Variants in CNOT4 observed in about 807,000 individuals in gnomAD.
CNOT4 encodes the protein CCR4-NOT transcription complex subunit 4, also known as CCR4-associated factor 4.
CNOT4 carries 8 observed loss-of-function variants against 73.8 expected under a neutral mutation model. That is an observed-to-expected ratio of 0.11 (90% confidence interval 0.06 to 0.20). The LOEUF is 0.20. Ranked by LOEUF, CNOT4 falls within the 10% of genes least tolerant of loss-of-function variation. The probability of loss-of-function intolerance (pLI) is 1.00; values close to 1 mark genes in which losing one functional copy is unlikely to be tolerated. For missense variants in CNOT4, 564 were observed against 883.4 expected (o/e 0.64, Z 4.58); for synonymous variants, 293 against 321.1 (o/e 0.91, Z 0.94).
intron 1 of CNOT4, among the ~76,000 whole-genome samples, chr7:135,500,804 C>T (rs879860174): frequency 3.3e-5 from 5 of 152,108 alleles, no homozygotes; most frequent in South Asian, 2.1e-4. Flanking sequence ...TCCTAATAAC[C>T]GTTCTGAACT....
At chr7:135,446,107 C>G (rs536966376) in intron 1 of CNOT4, among the ~76,000 whole-genome samples, 88 of 152,234 alleles carry the variant, frequency 5.8e-4, no homozygotes, top group African/African-American at 1.9e-3. Context: ...GTCTTGAACT[C>G]CGGGCTCAAG....
At chr7:135,431,498 C>T (rs1278937561) in intron 2 of CNOT4, among the ~76,000 whole-genome samples, 2 of 152,154 alleles carry the variant, frequency 1.3e-5, no homozygotes, top group African/African-American at 4.8e-5. Flanking sequence ...AATCCTGACA[C>T]TTTGGGAGGC....
chr7:135,465,342 A>T (rs189845953), intron 1 of CNOT4, among the ~76,000 whole-genome samples: 1 of 152,196 alleles, frequency 6.6e-6, no homozygotes, highest in Admixed American at 6.5e-5. Flanking sequence ...CCCACAACAC[A>T]CGCCCACATT....
At chr7:135,476,607 T>A (rs533710699) in intron 1 of CNOT4, among the ~76,000 whole-genome samples, 4 of 152,266 alleles carry the variant, frequency 2.6e-5, no homozygotes, top group South Asian at 2.1e-4. Context: ...GCCCAGGAGA[T>A]TGAGGCTGCA....
At chr7:135,409,154 CACT>C (rs761558051) in intron 7 of CNOT4, among the ~76,000 whole-genome samples, 14 of 151,902 alleles carry the variant, frequency 9.2e-5, no homozygotes, top group Non-Finnish European at 2.1e-4. Flanking sequence ...TAAAATAAAC[CACT>C]GTTTACTACA....
intron 1 of CNOT4, among the ~76,000 whole-genome samples, chr7:135,454,121 G>GA (rs1376643539): frequency 6.6e-6 from 1 of 151,322 alleles, no homozygotes; most frequent in African/African-American, 2.4e-5. Flanking sequence ...TTAAAAGGAA[G>GA]AAAAAATTTA....
chr7:135,444,685 G>C, intron 1 of CNOT4: 2 of 1,191,992 alleles, frequency 1.7e-6, no homozygotes, highest in Non-Finnish European at 2.5e-6. Flanking sequence ...TTGCTCCTGG[G>C]TCTGCTTCCG....
chr7:135,427,234 T>C (rs1798557618), intron 2 of CNOT4, among the ~76,000 whole-genome samples: 2 of 152,212 alleles, frequency 1.3e-5, no homozygotes, highest in Non-Finnish European at 2.9e-5. Context: ...GCTATTTACA[T>C]GTGTCTTCTC....
chr7:135,365,043 C>G (rs1794840451), intron 10 of CNOT4, among the ~76,000 whole-genome samples: 1 of 152,128 alleles, frequency 6.6e-6, no homozygotes, highest in African/African-American at 2.4e-5. Flanking sequence ...ATTTCTGATT[C>G]TACAGAACTG....
chr7:135,443,499 C>T (rs758695896), intron 1 of CNOT4, among the ~76,000 whole-genome samples: 2 of 152,164 alleles, frequency 1.3e-5, no homozygotes, highest in Admixed American at 6.5e-5. Context: ...TCAAAACTCA[C>T]GCCCTTTCCA....
At chr7:135,434,234 T>C (rs532149498) in intron 2 of CNOT4, among the ~76,000 whole-genome samples, 5 of 152,328 alleles carry the variant, frequency 3.3e-5, no homozygotes, top group African/African-American at 9.6e-5. Context: ...ACACAACCAC[T>C]GTAGATGGCC....
intron 1 of CNOT4, among the ~76,000 whole-genome samples, chr7:135,470,723 TA>T (rs1801526869): frequency 1.3e-5 from 2 of 152,164 alleles, no homozygotes; most frequent in African/African-American, 4.8e-5. Flanking sequence ...TTATGCTCAG[TA>T]AAAGAAGCCA....
chr7:135,383,977 G>C (rs1433637066), intron 10 of CNOT4, among the ~76,000 whole-genome samples: 1 of 152,024 alleles, frequency 6.6e-6, no homozygotes, highest in Non-Finnish European at 1.5e-5. Flanking sequence ...CCTATGCTTT[G>C]TGCTAAACCA....
chr7:135,444,779 A>G, intron 1 of CNOT4: 1 of 1,579,102 alleles, frequency 6.3e-7, no homozygotes, highest in South Asian at 1.1e-5. Context: ...GCCTTGGACA[A>G]GTTGTTACTG....
chr7:135,442,254 C>A (rs1237045419), intron 1 of CNOT4, among the ~76,000 whole-genome samples: 2 of 152,170 alleles, frequency 1.3e-5, no homozygotes, highest in Admixed American at 6.5e-5. Context: ...CCCAAATTTT[C>A]ATTTAGAGAA....
intron 10 of CNOT4, among the ~76,000 whole-genome samples, chr7:135,366,041 T>C (rs543718723): frequency 4.6e-5 from 7 of 152,160 alleles, no homozygotes; most frequent in African/African-American, 1.7e-4. Context: ...ATAAGAAAAA[T>C]AAAATCCCCC....
At chr7:135,415,389 T>C (rs1797808885) in intron 3 of CNOT4, 127 bp from the exon 4 acceptor site, 1 of 557,962 alleles carries the variant, frequency 1.8e-6, no homozygotes, top group Non-Finnish European at 3.1e-6. Context: ...TTCTAATAAA[T>C]GTCACTACCT....
At chr7:135,473,223 C>T (rs531697946) in intron 1 of CNOT4, among the ~76,000 whole-genome samples, 181 of 152,074 alleles carry the variant, frequency 1.2e-3, no homozygotes, top group Non-Finnish European at 2.3e-3. Context: ...ATAAGTATTC[C>T]TTATTTTCTA....
At chr7:135,392,340 C>A (rs578247993) in intron 10 of CNOT4, among the ~76,000 whole-genome samples, 1 of 152,130 alleles carries the variant, frequency 6.6e-6, no homozygotes, top group South Asian at 2.1e-4. Flanking sequence ...CATTGATGGG[C>A]AAATAGAAAC....
Sources: gnomAD v4.1 joint callset for allele counts (sites outside exome capture counted in the v4.1 genomes callset) on GRCh38, gnomAD v4.1.1 for gene constraint, MANE v1.5 for transcripts, NCBI Gene and HGNC (gene_info 2026-07-23, HGNC 2026-07-21) for gene names.